Variants in FAM167A observed in about 807,000 individuals in gnomAD.
FAM167A encodes the protein protein FAM167A.
FAM167A carries 23 observed loss-of-function variants against 14.9 expected under a neutral mutation model. The observed-to-expected ratio is 1.55, with a 90% CI of 1.11 to 2.19. The LOEUF is 2.19. Ranked by LOEUF, FAM167A falls within the 30% of genes most tolerant of loss-of-function variation. FAM167A has a pLI of 0.00. For missense variants in FAM167A, 401 were observed against 281.5 expected, an observed-to-expected ratio of 1.42 and a Z score of -3.04; for synonymous variants, 174 against 117.7, an observed-to-expected ratio of 1.48 and a Z score of -3.10.
chr8:11,432,401 G>A (rs1805668715), intron 2 of FAM167A, among the ~76,000 whole-genome samples: 1 of 152,108 alleles, frequency 6.6e-6, no homozygotes, highest in African/African-American at 2.4e-5. Flanking sequence ...ATCAAGAAAT[G>A]GGCAAAGGAT....
At chr8:11,452,346 G>A (rs1192747428) in intron 1 of FAM167A, among the ~76,000 whole-genome samples, 1 of 152,252 alleles carries the variant, frequency 6.6e-6, no homozygotes, top group Non-Finnish European at 1.5e-5. Flanking sequence ...TACATGCTGG[G>A]TCATGAGACC....
chr8:11,459,357 G>A (rs143611948), intron 1 of FAM167A, among the ~76,000 whole-genome samples: 79 of 152,354 alleles, frequency 5.2e-4, no homozygotes, highest in Middle Eastern at 3.4e-3. Flanking sequence ...GGCTCCATTT[G>A]CACAGAAGTA....
chr8:11,444,300 TCA>T lies in FAM167A; in HGVS notation c.110_111del (p.Leu37GlnfsTer81). ...LRSLKALTEK[L>X]RLETRRPSYL... ...TAGGAGGGCCTGCGGGTCTCCAGCC[TCA>T]GTTTCTCGGTGAGGGCCTTCAGGCT... On this transcript the variant is annotated frameshift_variant, in exon 2 of 3. Transcript: ENST00000284486. LOFTEE classifies it high-confidence loss of function. 6.2e-7 allele frequency: 1 copy of T among 1,611,664 alleles called. No homozygotes were observed. The highest frequency in any genetic ancestry group is 1.1e-5 in the South Asian group (1 of 91,020).
At chr8:11,443,097 C>T (rs1806534203) in intron 2 of FAM167A, among the ~76,000 whole-genome samples, 1 of 152,242 alleles carries the variant, frequency 6.6e-6, no homozygotes, top group Admixed American at 6.5e-5. Flanking sequence ...GCCAGAGTGG[C>T]CTGACTCGCA....
chr8:11,468,073 C>G (rs533243197), upstream of FAM167A, among the ~76,000 whole-genome samples: 1 of 152,334 alleles, frequency 6.6e-6, no homozygotes, highest in East Asian at 1.9e-4. Context: ...ACCTGCCACC[C>G]GGGTCCAAGC....
chr8:11,425,511 G>C (rs531415385), intron 2 of FAM167A, among the ~76,000 whole-genome samples: 11 of 152,278 alleles, frequency 7.2e-5, no homozygotes, highest in Admixed American at 7.2e-4. Flanking sequence ...AATATTTTTA[G>C]TGGCTTGATG....
At chr8:11,462,893 A>G (rs904786980) in intron 1 of FAM167A, among the ~76,000 whole-genome samples, 6 of 152,188 alleles carry the variant, frequency 3.9e-5, no homozygotes, top group Admixed American at 3.3e-4. Flanking sequence ...ATGCGTTCTC[A>G]TTGGTAAAGA....
intron 2 of FAM167A, chr8:11,437,894 C>G (rs1375360462): frequency 5.2e-6 from 1 of 193,676 alleles, no homozygotes; most frequent in African/African-American, 2.5e-5. Flanking sequence ...GCGTATTTCC[C>G]TTTGGTTAAT....
intron 1 of FAM167A, among the ~76,000 whole-genome samples, chr8:11,474,098 C>A (rs1019860615): frequency 5.3e-5 from 8 of 152,190 alleles, no homozygotes; most frequent in African/African-American, 1.9e-4. Flanking sequence ...TGATCTTGAA[C>A]CCCTGACCTC....
At chr8:11,448,864 C>G (rs1255046373) in intron 1 of FAM167A, among the ~76,000 whole-genome samples, 1 of 152,210 alleles carries the variant, frequency 6.6e-6, no homozygotes, top group Non-Finnish European at 1.5e-5. Flanking sequence ...CACCCAGGCT[C>G]AGTCCTTTCC....
chr8:11,444,546 G>A lies in FAM167A; in HGVS notation c.-135C>T, dbSNP rs575533791. On this transcript the variant is annotated 5_prime_UTR_variant, in exon 2 of 3. Transcript: ENST00000284486. ...CGAGGGCATTTCCGGGACAGGAGCC[G>A]GCCTCAGAGGCTGGGTGGCAGGGGA... is the stretch of plus-strand genomic sequence containing the variant. 7.8e-5 allele frequency: 114 copies of A among 1,470,138 alleles called. No homozygotes were observed. The highest frequency in any genetic ancestry group is 4.1e-4 in the East Asian group (17 of 41,974). 91.1% of individuals were successfully genotyped at this position (1,470,138 alleles called of 1,614,324 possible). A position where few individuals can be genotyped will look rare whatever the true frequency, so the allele number is the denominator to read the frequency against.
rs1804817931 is a variant in FAM167A at position 11,422,405 on chromosome 8, T to C, written c.*1968A>G. 1 of 143,964 alleles carries C rather than the reference T, an allele frequency of 6.9e-6. No individual in the cohort carries two copies. The highest frequency in any genetic ancestry group is 2.7e-5 in the African/African-American group (1 of 36,626). 8.9% of individuals were successfully genotyped at this position (143,964 alleles called of 1,614,324 possible). On this transcript the variant is annotated 3_prime_UTR_variant, in exon 3 of 3. Coordinates refer to ENST00000284486, the MANE Select transcript of FAM167A (RefSeq NM_053279.3). The stretch of plus-strand genomic sequence containing the variant: ...GTGTGTGTGTGTGTGTGTGTGTGTG[T>C]AGGTCAGCCCGAGACCTCAAGGGCT...
At chr8:11,475,903 G>T (rs980485460) in exon 1 of FAM167A, among the ~76,000 whole-genome samples, 1 of 152,178 alleles carries the variant, frequency 6.6e-6, no homozygotes, top group Non-Finnish European at 1.5e-5. Flanking sequence ...CCTCCCAGTA[G>T]ACTACGAGTC....
intron 1 of FAM167A, among the ~76,000 whole-genome samples, chr8:11,451,085 C>A (rs543971484): frequency 9.9e-5 from 15 of 152,242 alleles, no homozygotes; most frequent in Admixed American, 3.3e-4. Flanking sequence ...CCCCCTTTCC[C>A]ACAGGAGCCC....
At chr8:11,457,436 G>A (rs1336617617) in intron 1 of FAM167A, among the ~76,000 whole-genome samples, 1 of 151,946 alleles carries the variant, frequency 6.6e-6, no homozygotes, top group African/African-American at 2.4e-5. Context: ...GCAAACCCCA[G>A]CCTGGGCCAC....
chr8:11,427,444 G>T (rs938619905), intron 2 of FAM167A, among the ~76,000 whole-genome samples: 1 of 152,182 alleles, frequency 6.6e-6, no homozygotes, highest in Admixed American at 6.5e-5. Flanking sequence ...GTCTCCACTT[G>T]TAAGTGGTTA....
chr8:11,455,912 A>AGTGTGG (rs1702723488), intron 1 of FAM167A, among the ~76,000 whole-genome samples: 6 of 38,774 alleles, frequency 1.5e-4, no homozygotes, highest in African/African-American at 2.1e-4. Context: ...TGTGAGTGTG[A>AGTGTGG]GGGGTGGTTG....
chr8:11,443,840 G>C (rs927445993), intron 2 of FAM167A, 191 bp downstream of exon 2: 2 of 678,936 alleles, frequency 2.9e-6, no homozygotes, highest in African/African-American at 3.6e-5. Flanking sequence ...TGACACCTGG[G>C]TCCCCCCAGC....
Position 11,444,020 on chromosome 8 carries a change from C to G in FAM167A, c.381+11G>C. On this transcript the variant is annotated intron_variant, in intron 2 of 2. Coordinates refer to ENST00000284486, the MANE Select transcript of FAM167A (RefSeq NM_053279.3). ...CCTCTTTTCTGGGGATTCTTGGGGGCAGCCACTCACCAGTTCCTTCCTGAG... is the reference window on the plus strand; with the variant it reads ...CCTCTTTTCTGGGGATTCTTGGGGGGAGCCACTCACCAGTTCCTTCCTGAG... The G allele has an allele frequency of 6.3e-7, 1 of 1,599,816 alleles. No homozygotes were observed. The highest frequency in any genetic ancestry group is 8.5e-7 in the Non-Finnish European group (1 of 1,172,408).
Sources: allele counts gnomAD v4.1 joint callset (sites outside exome capture counted in the v4.1 genomes callset), GRCh38; gene constraint gnomAD v4.1.1; transcripts MANE v1.5; gene names NCBI Gene and HGNC (gene_info 2026-07-23, HGNC 2026-07-21).